The following LRP1B variants were observed in gnomAD, a reference collection of about 807,000 sequenced individuals.
LRP1B encodes the protein LDL receptor related protein 1B, also known as low-density lipoprotein receptor-related protein 1B.
A neutral mutation model predicts 556.6 loss-of-function variants in LRP1B; 217 were observed. The ratio of observed to expected loss-of-function variants is 0.39; its 90% CI spans 0.35 to 0.44. The LOEUF is 0.44. LRP1B is among the 20% of genes least tolerant of loss of function. The pLI is 1.00. For synonymous variants in LRP1B, 2,047 were observed against 1,865.8 expected (o/e 1.10, Z -2.50); for missense variants, 5,053 against 5,620.8 (o/e 0.90, Z 3.23).
intron 11 of LRP1B, among the ~76,000 whole-genome samples, chr2:141,047,794 T>G (rs1342542591): frequency 6.6e-6 from 1 of 152,104 alleles, no homozygotes; most frequent in African/African-American, 2.4e-5. Flanking sequence ...GAGATTGTGC[T>G]TTTCTTTTTT....
intron 1 of LRP1B, among the ~76,000 whole-genome samples, chr2:141,815,287 G>A (rs571940445): frequency 2.0e-5 from 3 of 152,182 alleles, no homozygotes; most frequent in Non-Finnish European, 4.4e-5. Flanking sequence ...GTTTTCTCAA[G>A]GAACTGAGAA....
chr2:141,701,143 A>G (rs1691926960), intron 2 of LRP1B, among the ~76,000 whole-genome samples: 1 of 151,896 alleles, frequency 6.6e-6, no homozygotes, highest in African/African-American at 2.4e-5. Flanking sequence ...TGTAGAAGTT[A>G]ATCTCACTAA....
chr2:141,254,337 T>A (rs1684380525), intron 4 of LRP1B, among the ~76,000 whole-genome samples, 185 bp downstream of exon 4: 1 of 152,076 alleles, frequency 6.6e-6, no homozygotes, highest in South Asian at 2.1e-4. Flanking sequence ...AAAATTGAAA[T>A]TTGAGAGTCA....
chr2:141,925,438 T>A (rs927708720), intron 1 of LRP1B, among the ~76,000 whole-genome samples: 8 of 152,166 alleles, frequency 5.3e-5, no homozygotes, highest in African/African-American at 1.9e-4. Context: ...ACGATGGGGT[T>A]AACAAAGTAT....
rs1573668250 is a variant in LRP1B, at chr2:140,239,463, A to G, written c.13394T>C (p.Val4465Ala). The change falls in exon 88 of 91, where the codon GTG becomes GCG. Residue 4465 changes from valine to alanine, a missense_variant. Transcript: ENST00000389484. ...TTACCTTCTTTTTCTTTTACAAAGC[A>G]CTAAACCAATTACTAAGGTGGTTAT... The part of the protein sequence containing the change: ...TLITTLVIGL[V>A]LCKRKRRTKT... 1 of 1,602,972 alleles carries G rather than the reference A, an allele frequency of 6.2e-7. No individual in the cohort carries two copies. Among genetic ancestry groups the G allele is most frequent in the South Asian group, 1.1e-5 (1 of 90,328 alleles).
At chr2:141,930,971 C>T (rs1700484593) in intron 1 of LRP1B, among the ~76,000 whole-genome samples, 2 of 152,044 alleles carry the variant, frequency 1.3e-5, no homozygotes, top group South Asian at 2.1e-4. Flanking sequence ...ACTTCATGCT[C>T]TTTCACAGCT....
At chr2:141,435,765 G>T (rs770861987) in intron 3 of LRP1B, among the ~76,000 whole-genome samples, 2 of 152,186 alleles carry the variant, frequency 1.3e-5, no homozygotes, top group Non-Finnish European at 1.5e-5. Context: ...AATATTCTTG[G>T]CACACTGTGC....
intron 3 of LRP1B, among the ~76,000 whole-genome samples, chr2:141,324,277 A>C (rs1319030999): frequency 6.6e-6 from 1 of 152,172 alleles, no homozygotes; most frequent in African/African-American, 2.4e-5. Flanking sequence ...AACTCTAAAA[A>C]ATAAATACTC....
chr2:140,698,529 A>G (rs1378590583), intron 41 of LRP1B, among the ~76,000 whole-genome samples: 1 of 152,086 alleles, frequency 6.6e-6, no homozygotes, highest in African/African-American at 2.4e-5. Flanking sequence ...TTTAATATCC[A>G]TCTTACTAAA....
chr2:140,862,412 C>T (rs540540428), intron 27 of LRP1B, among the ~76,000 whole-genome samples: 3 of 152,196 alleles, frequency 2.0e-5, no homozygotes, highest in African/African-American at 7.2e-5. Flanking sequence ...ACAACTGCAG[C>T]AGAGTAACTG....
intron 1 of LRP1B, among the ~76,000 whole-genome samples, chr2:141,957,382 GT>G (rs1279985449): frequency 3.5e-5 from 3 of 85,808 alleles, no homozygotes; most frequent in African/African-American, 1.3e-4. Flanking sequence ...GTTTGTGTGT[GT>G]GGGGGGGGGG....
At chr2:141,184,939 G>T (rs1558918419) in intron 7 of LRP1B, among the ~76,000 whole-genome samples, 1 of 151,524 alleles carries the variant, frequency 6.6e-6, no homozygotes, top group Non-Finnish European at 1.5e-5. Context: ...GTATGAAATA[G>T]ACCTTTTTAG....
At chr2:141,301,634 C>G (rs978108870) in intron 3 of LRP1B, among the ~76,000 whole-genome samples, 6 of 152,192 alleles carry the variant, frequency 3.9e-5, no homozygotes, top group African/African-American at 1.4e-4. Flanking sequence ...TGACTTGCCA[C>G]TACCAGAATA....
At position 140,511,319 on chromosome 2, in the gene LRP1B, T is replaced by TTTTTTTTTG. The variant is rs1553477418; in HGVS notation, c.8270-1264_8270-1263insCAAAAAAAA. The stretch of plus-strand genomic sequence containing the variant: ...TTTTTTTTTTTTTTTTTTTTTTTTT[T>TTTTTTTTTG]GAGACGGAGTCTCGCTCTGTCGCCC... On this transcript the variant is annotated intron_variant, in intron 51 of 90. Coordinates refer to ENST00000389484, the MANE Select transcript of LRP1B (RefSeq NM_018557.3). Among the ~76,000 whole-genome samples the TTTTTTTTTG allele has an allele frequency of 3.3e-4, 48 of 145,798 alleles. 2 individuals are homozygous for TTTTTTTTTG. Among genetic ancestry groups the TTTTTTTTTG allele is most frequent in the African/African-American group, 1.2e-3 (46 of 38,822 alleles).
chr2:142,115,658 GTAATATATATATGTAATATAT>G, intron 1 of LRP1B, among the ~76,000 whole-genome samples: 2 of 4,952 alleles, frequency 4.0e-4, no homozygotes, highest in African/African-American at 8.6e-4. Flanking sequence ...TATATTATAT[GTAATATATATATGTAATATAT>G]ATATAATATA....
At chr2:140,355,467 A>T (rs1165730065) in intron 75 of LRP1B, among the ~76,000 whole-genome samples, 4 of 152,016 alleles carry the variant, frequency 2.6e-5, no homozygotes, top group Non-Finnish European at 5.9e-5. Flanking sequence ...GATAAACATG[A>T]CGTGACTACA....
chr2:141,094,535 C>T (rs1018204784), intron 7 of LRP1B, among the ~76,000 whole-genome samples: 1 of 152,076 alleles, frequency 6.6e-6, no homozygotes, highest in African/African-American at 2.4e-5. Context: ...AGGAGACCAG[C>T]AGCTAGATCT....
At chr2:141,792,592 C>T (rs1574364749) in intron 2 of LRP1B, among the ~76,000 whole-genome samples, 1 of 151,952 alleles carries the variant, frequency 6.6e-6, no homozygotes, top group African/African-American at 2.4e-5. Flanking sequence ...CTTTCCTAAT[C>T]GCTAACAAGT....
chr2:141,903,267 C>A (rs1210896121), intron 1 of LRP1B, among the ~76,000 whole-genome samples: 1 of 151,716 alleles, frequency 6.6e-6, no homozygotes, highest in Non-Finnish European at 1.5e-5. Context: ...AATACTGAAT[C>A]TATATATTAA....
Sources: allele counts gnomAD v4.1 joint callset (sites outside exome capture counted in the v4.1 genomes callset), GRCh38; gene constraint gnomAD v4.1.1; transcripts MANE v1.5; gene names NCBI Gene and HGNC (gene_info 2026-07-23, HGNC 2026-07-21).